Variants in TANC2 observed in about 807,000 individuals in gnomAD.
TANC2 encodes the protein protein TANC2.
Under a neutral mutation model 210.5 loss-of-function variants are expected in TANC2, and 26 were observed. The observed-to-expected ratio is 0.12, with a 90% confidence interval of 0.09 to 0.17. The LOEUF (loss-of-function observed/expected upper bound fraction) is 0.17, where lower values mean the gene tolerates loss of function less well. TANC2 is among the 10% of genes least tolerant of loss of function. The pLI is 1.00. For missense variants in TANC2, 2,129 were observed against 2,608.9 expected, an observed-to-expected ratio of 0.82 and a Z score of 4.01; for synonymous variants, 931 against 967.1, an observed-to-expected ratio of 0.96 and a Z score of 0.69.
intron 26 of TANC2, among the ~76,000 whole-genome samples, chr17:63,417,224 T>A (rs973237694): frequency 4.6e-5 from 7 of 152,294 alleles, no homozygotes; most frequent in South Asian, 2.1e-4. Context: ...CATCAACTTT[T>A]AAAAAATTTT....
chr17:63,156,485 G>C (rs555192286), intron 5 of TANC2, among the ~76,000 whole-genome samples: 5 of 152,150 alleles, frequency 3.3e-5, no homozygotes, highest in Admixed American at 1.3e-4. Flanking sequence ...TTGTATAGTG[G>C]ATAGACTTGA....
At chr17:63,113,652 C>T (rs1377223645) in intron 4 of TANC2, among the ~76,000 whole-genome samples, 2 of 152,074 alleles carry the variant, frequency 1.3e-5, no homozygotes, top group Admixed American at 6.6e-5. Context: ...GGACTACAGG[C>T]GTGCACCACC....
intron 7 of TANC2, among the ~76,000 whole-genome samples, chr17:63,233,298 G>A (rs1158895175): frequency 3.9e-5 from 6 of 151,962 alleles, no homozygotes; most frequent in South Asian, 2.1e-4. Flanking sequence ...AGAGGCCGCC[G>A]AGAATCTGCA....
chr17:63,047,281 G>A (rs745434292), intron 2 of TANC2, among the ~76,000 whole-genome samples: 3 of 152,142 alleles, frequency 2.0e-5, no homozygotes, highest in Admixed American at 6.5e-5. Flanking sequence ...CTTATAGATC[G>A]TGTTCAATTT....
At chr17:63,082,176 AAAG>A (rs1371890522) in intron 3 of TANC2, among the ~76,000 whole-genome samples, 4 of 152,220 alleles carry the variant, frequency 2.6e-5, no homozygotes, top group African/African-American at 9.7e-5. Context: ...ATCTCAAAAA[AAAG>A]AAGTTCAGAA....
At chr17:63,159,629 T>C (rs917191438) in intron 5 of TANC2, among the ~76,000 whole-genome samples, 7 of 152,186 alleles carry the variant, frequency 4.6e-5, no homozygotes, top group Admixed American at 4.6e-4. Flanking sequence ...ACAAACAATA[T>C]GGTATAATAG....
At chr17:63,046,898 A>G (rs1003493591) in intron 2 of TANC2, among the ~76,000 whole-genome samples, 3 of 152,182 alleles carry the variant, frequency 2.0e-5, no homozygotes, top group East Asian at 1.9e-4. Context: ...GTGAGTGTCT[A>G]TATATTTGAA....
intron 2 of TANC2, among the ~76,000 whole-genome samples, chr17:63,069,593 A>C (rs1340703148): frequency 6.6e-6 from 1 of 152,202 alleles, no homozygotes; most frequent in East Asian, 1.9e-4. Flanking sequence ...CTCAGGTCTT[A>C]TTATGCCCAC....
In TANC2 at chr17:63,095,766, A is replaced by T. The variant is rs117446450; in HGVS notation, c.140-3409A>T. Among the ~76,000 whole-genome samples the T allele has an allele frequency of 7.2e-5, 11 of 152,246 alleles. No homozygotes were observed. The East Asian group carries it at 2.1e-3, about 29-fold the overall frequency. On this transcript the variant is annotated intron_variant, in intron 3 of 27. Coordinates refer to ENST00000689528, the Ensembl canonical transcript of TANC2. Reference sequence around the variant, plus strand: ...CCCAGGAAAAAATGGTATATAATCAAATTCTCTGCTCACCAGTACTTTAAA... The same window carrying T: ...CCCAGGAAAAAATGGTATATAATCATATTCTCTGCTCACCAGTACTTTAAA...
At chr17:63,034,676 GA>G (rs943665314) in intron 2 of TANC2, among the ~76,000 whole-genome samples, 125 of 152,266 alleles carry the variant, frequency 8.2e-4, no homozygotes, top group African/African-American at 2.9e-3. Flanking sequence ...CAGAAGTTTG[GA>G]AGAAGTTGAT....
At chr17:63,104,015 C>T (rs1598404395) in intron 4 of TANC2, among the ~76,000 whole-genome samples, 1 of 151,270 alleles carries the variant, frequency 6.6e-6, no homozygotes, top group Non-Finnish European at 1.5e-5. Flanking sequence ...TCTCATTTTA[C>T]CAAGAAGAAA....
chr17:63,220,208 T>C (rs1173600422), intron 7 of TANC2, among the ~76,000 whole-genome samples: 1 of 151,454 alleles, frequency 6.6e-6, no homozygotes, highest in Admixed American at 6.6e-5. Context: ...GGCAGGAGAA[T>C]CGCTTGAACC....
rs894682249 is a variant in TANC2 at position 63,421,820 on chromosome 17, C to A, written c.6090C>A (p.Asp2030Glu). 2 of 1,613,890 alleles carry A rather than the reference C, an allele frequency of 1.2e-6. No individual in the cohort carries two copies. The highest frequency in any genetic ancestry group is 1.7e-6 in the Non-Finnish European group (2 of 1,179,914). ...TCAGCCAGGCCTCCTCCTATCCCGA[C>A]GTGAAGGTAGCTCGGACTCTACCTG... The change falls in exon 28 of 28, where the codon GAC becomes GAA. Residue 2030 changes from aspartate (D) to glutamate (E), a missense_variant. Asp to Glu is a conservative substitution (Grantham distance 45, BLOSUM62 2). Transcript: ENST00000689528. The surrounding 1 kb of genome is among the most constrained non-coding windows in gnomAD (Gnocchi z 6.9).
rs1043468476 is a variant in TANC2 at position 63,355,346 on chromosome 17, C to T, written c.2538C>T (p.Ile846=). Reference sequence around the variant, plus strand: ...ATCCTTCTTTTCGAGAATGGCTTATCTGGAGAGAAGAAGGAGAGAAAACCA... The same window carrying T: ...ATCCTTCTTTTCGAGAATGGCTTATTTGGAGAGAAGAAGGAGAGAAAACCA... Residue 846 remains isoleucine (I), a synonymous_variant, in exon 14 of 28, where the codon ATC becomes ATT. Coordinates refer to ENST00000689528, the Ensembl canonical transcript of TANC2. The T allele has an allele frequency of 1.2e-6, 2 of 1,606,350 alleles. No homozygotes were observed. The highest frequency in any genetic ancestry group is 2.7e-5 in the African/African-American group (2 of 74,736).
At chr17:63,181,290 C>T (rs767433449) in intron 5 of TANC2, among the ~76,000 whole-genome samples, 1 of 152,118 alleles carries the variant, frequency 6.6e-6, no homozygotes, top group African/African-American at 2.4e-5. Context: ...GGCTTCTGTC[C>T]TCTTGCTGTT....
At chr17:63,371,687 T>G (rs1037286272) in intron 14 of TANC2, among the ~76,000 whole-genome samples, 1 of 152,188 alleles carries the variant, frequency 6.6e-6, no homozygotes. Flanking sequence ...CCTGGGGTGC[T>G]AAGTGAAAAC....
intron 8 of TANC2, among the ~76,000 whole-genome samples, chr17:63,264,926 T>C (rs2043478565): frequency 6.6e-6 from 1 of 152,128 alleles, no homozygotes; most frequent in Non-Finnish European, 1.5e-5. Flanking sequence ...ACCACTGCAC[T>C]CTAATCTGGG....
chr17:63,280,875 T>G lies in TANC2; in HGVS notation c.1159+13002T>G, dbSNP rs551718613. ...TGTAAGAACTACTTGCTGAGAATTT[T>G]TAAGCTAAAAATATTCCTCTCAGAG... is the stretch of plus-strand genomic sequence containing the variant. On this transcript the variant is annotated intron_variant, in intron 9 of 27. Coordinates refer to ENST00000689528, the Ensembl canonical transcript of TANC2. Among the ~76,000 whole-genome samples, 4 of 152,146 alleles carry G rather than the reference T, an allele frequency of 2.6e-5. No individual in the cohort carries two copies. The South Asian group carries it at 6.2e-4, about 24-fold the overall frequency.
At chr17:63,019,525 A>T (rs999075961) in intron 2 of TANC2, among the ~76,000 whole-genome samples, 1 of 152,054 alleles carries the variant, frequency 6.6e-6, no homozygotes, top group Non-Finnish European at 1.5e-5. Flanking sequence ...GCTTTATGTT[A>T]GCTATTTTGA....
Sources: allele counts gnomAD v4.1 joint callset (sites outside exome capture counted in the v4.1 genomes callset), GRCh38; gene constraint gnomAD v4.1.1; non-coding constraint Gnocchi (gnomAD v3.1); transcripts MANE v1.5; gene names NCBI Gene and HGNC (gene_info 2026-07-23, HGNC 2026-07-21).